PTPRD: variants seen among roughly 807,000 people sequenced by gnomAD.
PTPRD encodes the protein protein tyrosine phosphatase receptor type D, also known as receptor-type tyrosine-protein phosphatase delta.
Under a neutral mutation model 214.5 loss-of-function variants are expected in PTPRD, and 34 were observed. That is an observed-to-expected ratio of 0.16 (90% CI 0.12 to 0.21). The LOEUF is 0.21. PTPRD is among the 10% of genes least tolerant of loss of function. The pLI, the probability that PTPRD is intolerant of heterozygous loss-of-function variation, is 1.00. For missense variants in PTPRD, 2,545 were observed against 2,398.7 expected (o/e 1.06, Z -1.27); for synonymous variants, 1,128 against 845.7 (o/e 1.33, Z -5.79).
chr9:10,372,578 T>G (rs2097648488), intron 2 of PTPRD, among the ~76,000 whole-genome samples: 1 of 152,022 alleles, frequency 6.6e-6, no homozygotes, highest in African/African-American at 2.4e-5. Flanking sequence ...TCTATTACCT[T>G]TGCATTGCTG....
rs1175875551 is a variant in PTPRD, at chr9:9,653,348, C to CAAAAAAAAA, written c.-286-78576_-286-78568dup. On this transcript the variant is annotated intron_variant, in intron 7 of 45. Coordinates refer to ENST00000381196, the MANE Select transcript of PTPRD (RefSeq NM_002839.4). The stretch of plus-strand genomic sequence containing the variant: ...TGGGCGACAGAGCGAGACTCCGTCT[C>CAAAAAAAAA]AAAAAAAAAAAAAAAAAAAAAAAAA... 1.1e-3 allele frequency among the ~76,000 whole-genome samples: 37 copies of CAAAAAAAAA among 32,506 alleles called. 7 individuals carry two copies. The highest frequency in any genetic ancestry group is 2.2e-3 in the South Asian group (1 of 446). 21.3% of individuals were successfully genotyped at this position (32,506 alleles called of 152,430 possible).
chr9:9,934,233 C>T (rs2088140828), intron 5 of PTPRD, among the ~76,000 whole-genome samples: 1 of 147,410 alleles, frequency 6.8e-6, no homozygotes, highest in African/African-American at 2.7e-5. Flanking sequence ...AAGATCAGAG[C>T]AGAACTGAAG....
chr9:9,227,225 G>A (rs1049143121), intron 9 of PTPRD, among the ~76,000 whole-genome samples: 1 of 152,054 alleles, frequency 6.6e-6, no homozygotes. Flanking sequence ...AAGCCCTTGA[G>A]TAATTTTTTT....
chr9:9,756,276 T>G (rs188362549), intron 6 of PTPRD, among the ~76,000 whole-genome samples: 1 of 152,250 alleles, frequency 6.6e-6, no homozygotes, highest in Admixed American at 6.5e-5. Flanking sequence ...GTCTATGGTT[T>G]CTCTCTCAGT....
At chr9:8,460,293 G>C (rs774313841) in intron 33 of PTPRD, 118 bp downstream of exon 33, 2 of 1,190,886 alleles carry the variant, frequency 1.7e-6, no homozygotes, top group Admixed American at 3.5e-5. Flanking sequence ...AAAAATAATT[G>C]AAATGGCACT....
At chr9:8,462,277 C>A (rs2096433112) in intron 32 of PTPRD, among the ~76,000 whole-genome samples, 1 of 151,892 alleles carries the variant, frequency 6.6e-6, no homozygotes, top group Non-Finnish European at 1.5e-5. Context: ...AGAATGGAAA[C>A]ACTGATATTA....
At chr9:8,362,838 C>T (rs1026384794) in intron 39 of PTPRD, among the ~76,000 whole-genome samples, 1 of 152,140 alleles carries the variant, frequency 6.6e-6, no homozygotes, top group Non-Finnish European at 1.5e-5. Context: ...CAGTTTTATC[C>T]AATATCTCTT....
intron 4 of PTPRD, among the ~76,000 whole-genome samples, chr9:9,949,697 A>C (rs887785865): frequency 6.6e-6 from 1 of 151,802 alleles, no homozygotes; most frequent in Non-Finnish European, 1.5e-5. Flanking sequence ...CAAACAAACT[A>C]ACAACAACAA....
At chr9:9,846,453 C>G (rs1188456299) in intron 5 of PTPRD, among the ~76,000 whole-genome samples, 1 of 152,090 alleles carries the variant, frequency 6.6e-6, no homozygotes, top group East Asian at 1.9e-4. Flanking sequence ...CTTAAAACTA[C>G]TATAAATAAT....
intron 8 of PTPRD, among the ~76,000 whole-genome samples, chr9:9,524,225 G>C (rs541758138): frequency 6.6e-6 from 1 of 152,122 alleles, no homozygotes; most frequent in East Asian, 1.9e-4. Context: ...TCTGAAAGCT[G>C]TATTAGGGCT....
intron 8 of PTPRD, among the ~76,000 whole-genome samples, chr9:9,427,840 T>A (rs890324973): frequency 6.6e-6 from 1 of 152,002 alleles, no homozygotes; most frequent in African/African-American, 2.4e-5. Context: ...AGAAATAAAA[T>A]CCTTTACAGA....
intron 8 of PTPRD, among the ~76,000 whole-genome samples, chr9:9,512,165 A>G (rs954069322): frequency 1.3e-5 from 2 of 151,842 alleles, no homozygotes; most frequent in African/African-American, 4.8e-5. Context: ...CTCTTATTCA[A>G]AGAGACCCAA....
intron 10 of PTPRD, among the ~76,000 whole-genome samples, chr9:9,047,052 A>G (rs2099673994): frequency 1.3e-5 from 2 of 152,110 alleles, no homozygotes; most frequent in African/African-American, 4.8e-5. Flanking sequence ...TAAAACTGAT[A>G]AATTCAGTAA....
chr9:9,857,706 G>A (rs1010114941), intron 5 of PTPRD, among the ~76,000 whole-genome samples: 4 of 152,170 alleles, frequency 2.6e-5, no homozygotes, highest in African/African-American at 9.7e-5. Flanking sequence ...GACAGAAGTT[G>A]GCTACTTTTT....
At chr9:8,777,546 G>C (rs10453208) in intron 11 of PTPRD, among the ~76,000 whole-genome samples, 1 of 152,134 alleles carries the variant, frequency 6.6e-6, no homozygotes, top group African/African-American at 2.4e-5. Flanking sequence ...TACAGCTAGT[G>C]CATTTGTTTT....
At chr9:9,464,906 A>T (rs2094003970) in intron 8 of PTPRD, among the ~76,000 whole-genome samples, 1 of 152,312 alleles carries the variant, frequency 6.6e-6, no homozygotes, top group East Asian at 1.9e-4. Context: ...AGCATGTCCA[A>T]TGCAGGCGTC....
At chr9:9,421,928 T>TA (rs1480369594) in intron 8 of PTPRD, among the ~76,000 whole-genome samples, 2 of 146,272 alleles carry the variant, frequency 1.4e-5, no homozygotes, top group African/African-American at 5.1e-5. Context: ...GAATGGAGAA[T>TA]AAAAAACAAA....
chr9:9,934,617 A>T (rs1292005846), intron 5 of PTPRD, among the ~76,000 whole-genome samples: 4 of 151,104 alleles, frequency 2.6e-5, no homozygotes, highest in Non-Finnish European at 4.4e-5. Flanking sequence ...CCAGGACCAG[A>T]TGGATTCACA....
chr9:8,927,049 C>A lies in PTPRD; in HGVS notation c.-104+91648G>T, dbSNP rs567711324. 5.3e-5 allele frequency among the ~76,000 whole-genome samples: 8 copies of A among 152,130 alleles called. No individual in the cohort carries two copies. In the South Asian group the frequency reaches 1.7e-3, roughly 32 times the overall value. Reference sequence around the variant, plus strand: ...ACAGAGGAGGAAACTGAGGTCCAGACATTGAATGATTTGTTTAAGGTCACA... The same window carrying A: ...ACAGAGGAGGAAACTGAGGTCCAGAAATTGAATGATTTGTTTAAGGTCACA... On this transcript the variant is annotated intron_variant, in intron 11 of 45. Coordinates refer to ENST00000381196, the MANE Select transcript of PTPRD (RefSeq NM_002839.4).
Sources: allele counts gnomAD v4.1 joint callset (sites outside exome capture counted in the v4.1 genomes callset), GRCh38; gene constraint gnomAD v4.1.1; transcripts MANE v1.5; gene names NCBI Gene and HGNC (gene_info 2026-07-23, HGNC 2026-07-21).